The following DCLK1 variants were observed in gnomAD, a reference collection of about 807,000 sequenced individuals.
DCLK1 encodes serine/threonine-protein kinase DCLK1.
Under a neutral mutation model 86.2 loss-of-function variants are expected in DCLK1, and 16 were observed. That is an observed-to-expected ratio of 0.19 (90% CI 0.13 to 0.28). The LOEUF is 0.28. Among genes scored for constraint, DCLK1 ranks in the 10% least tolerant of loss-of-function variants. DCLK1 has a pLI of 1.00. For missense variants in DCLK1, 590 were observed against 940.2 expected, an observed-to-expected ratio of 0.63 and a Z score of 4.87; for synonymous variants, 369 against 370.5, an observed-to-expected ratio of 1.00 and a Z score of 0.05.
intron 6 of DCLK1, chr13:35,847,918 A>G (rs1870332455): frequency 2.0e-6 from 2 of 985,210 alleles, no homozygotes; most frequent in African/African-American, 3.5e-5. Context: ...AAACAAGACA[A>G]AAACACACCA....
chr13:35,808,514 G>A (rs1467023941), intron 13 of DCLK1, among the ~76,000 whole-genome samples, 194 bp from the exon 14 acceptor site: 3 of 152,180 alleles, frequency 2.0e-5, no homozygotes, highest in African/African-American at 7.2e-5. Flanking sequence ...CGGGTGCGGC[G>A]GCTCACACCT....
intron 3 of DCLK1, among the ~76,000 whole-genome samples, chr13:36,009,763 A>G (rs2153147744): frequency 8.3e-6 from 1 of 121,118 alleles, no homozygotes; most frequent in East Asian, 2.3e-4. Flanking sequence ...TCTGTGAGGA[A>G]AGTCATTGGT....
intron 5 of DCLK1, among the ~76,000 whole-genome samples, chr13:35,861,449 G>A (rs1374994844): frequency 6.6e-6 from 1 of 152,062 alleles, no homozygotes; most frequent in Admixed American, 6.5e-5. Context: ...GACAGCTCCC[G>A]CTAGAGTAAA....
rs77089902 is a variant in DCLK1 at position 35,849,502 on chromosome 13, G to A, written c.1035+4997C>T. On this transcript the variant is annotated intron_variant, in intron 6 of 16. Transcript: ENST00000360631. ...AGTGTTTGAACTAGTAAAAGTAAAT[G>A]ACCACTAGGATATGGCTTAAATACA... The A allele has an allele frequency of 7.0e-3, 6,893 of 983,180 alleles. 360 individuals are homozygous for A. The African/African-American group carries it at 0.11, about 15-fold the overall frequency. 60.9% of individuals were successfully genotyped at this position (983,180 alleles called of 1,614,324 possible).
At chr13:35,967,688 C>G (rs572026541) in intron 3 of DCLK1, among the ~76,000 whole-genome samples, 1 of 152,074 alleles carries the variant, frequency 6.6e-6, no homozygotes, top group Non-Finnish European at 1.5e-5. Context: ...ACAAACACTG[C>G]GGAAGGCGGC....
At chr13:35,775,558 A>G (rs1478118028) in intron 16 of DCLK1, among the ~76,000 whole-genome samples, 9 of 152,032 alleles carry the variant, frequency 5.9e-5, no homozygotes, top group Admixed American at 5.2e-4. Flanking sequence ...GGTGTGGGGG[A>G]AAAATGGGGT....
intron 3 of DCLK1, among the ~76,000 whole-genome samples, chr13:35,966,144 G>C (rs1330098395): frequency 1.3e-5 from 2 of 152,212 alleles, no homozygotes. Context: ...ACAAGCGTTG[G>C]CAAGGATGTG....
chr13:36,109,703 C>A (rs540543120), intron 3 of DCLK1, among the ~76,000 whole-genome samples: 1 of 152,192 alleles, frequency 6.6e-6, no homozygotes. Context: ...GATAATGAAG[C>A]TCAGTTAAGT....
chr13:35,818,538 G>T (rs1411066101), intron 11 of DCLK1, among the ~76,000 whole-genome samples: 1 of 152,090 alleles, frequency 6.6e-6, no homozygotes, highest in African/African-American at 2.4e-5. Context: ...CTTTGGGAGG[G>T]AAAAGATTTT....
intron 3 of DCLK1, among the ~76,000 whole-genome samples, chr13:36,097,851 A>G (rs1415577469): frequency 7.0e-6 from 1 of 143,642 alleles, no homozygotes; most frequent in African/African-American, 2.7e-5. Context: ...CATTCTTACC[A>G]AAAAAAAAAA....
chr13:35,848,534 T>C, intron 6 of DCLK1: 1 of 985,300 alleles, frequency 1.0e-6, no homozygotes, highest in Non-Finnish European at 1.2e-6. Context: ...GAATGGAAAG[T>C]TGGCCATGAT....
intron 15 of DCLK1, among the ~76,000 whole-genome samples, chr13:35,802,014 T>A (rs760300278): frequency 1.4e-4 from 21 of 152,152 alleles, no homozygotes; most frequent in Non-Finnish European, 2.4e-4. Flanking sequence ...GGCACCTCCT[T>A]CTCTGGGCTC....
intron 3 of DCLK1, among the ~76,000 whole-genome samples, chr13:36,060,352 T>C (rs750039574): frequency 6.6e-6 from 1 of 152,194 alleles, no homozygotes; most frequent in Non-Finnish European, 1.5e-5. Context: ...TGATTGTCTG[T>C]CTTTCAAATA....
intron 4 of DCLK1, among the ~76,000 whole-genome samples, chr13:35,882,302 G>T (rs975991842): frequency 6.6e-6 from 1 of 152,092 alleles, no homozygotes; most frequent in African/African-American, 2.4e-5. Flanking sequence ...ATAGGATTTT[G>T]GTTCCCACCA....
intron 4 of DCLK1, among the ~76,000 whole-genome samples, chr13:35,904,279 G>C (rs902620920): frequency 2.0e-5 from 3 of 152,094 alleles, no homozygotes; most frequent in African/African-American, 4.8e-5. Context: ...GCAGTGGCTC[G>C]ATCTTGGCCC....
chr13:35,896,429 T>C (rs536410656), intron 4 of DCLK1, among the ~76,000 whole-genome samples: 27 of 150,450 alleles, frequency 1.8e-4, no homozygotes, highest in Admixed American at 5.3e-4. Flanking sequence ...TCCCAGCTAC[T>C]TGGGAGGCTG....
chr13:35,967,952 C>T (rs1422151601), intron 3 of DCLK1, among the ~76,000 whole-genome samples: 5 of 151,840 alleles, frequency 3.3e-5, no homozygotes, highest in Non-Finnish European at 2.9e-5. Flanking sequence ...ATCTGGGAGA[C>T]GGAGGCTGCA....
rs1024483972 is a variant in DCLK1 at position 36,126,053 on chromosome 13, C to G, written c.85G>C (p.Gly29Arg). Residue 29 changes from glycine to arginine, a missense_variant, in exon 2 of 17, where the codon GGC (glycine) becomes CGC (arginine). Gly to Arg is a moderately radical substitution (Grantham distance 125, BLOSUM62 -2). Transcript: ENST00000360631. ...QRYSRGSRVN[G>R]LPSPTHSAHC... ...GCGCTGTGCGTCGGGCTCGGCAGGC[C>G]GTTCACCCGCGACCCTCGGCTGTAT... is the stretch of plus-strand genomic sequence containing the variant. 1.9e-6 allele frequency: 3 copies of G among 1,613,268 alleles called. No individual in the cohort carries two copies. The highest frequency in any genetic ancestry group is 2.5e-6 in the Non-Finnish European group (3 of 1,179,986).
chr13:35,917,823 G>C (rs768126397), intron 4 of DCLK1, among the ~76,000 whole-genome samples: 2 of 151,740 alleles, frequency 1.3e-5, no homozygotes, highest in Non-Finnish European at 2.9e-5. Context: ...GGGGCAGGGC[G>C]GGGAGGCCTC....
Sources: allele counts gnomAD v4.1 joint callset (sites outside exome capture counted in the v4.1 genomes callset), GRCh38; gene constraint gnomAD v4.1.1; transcripts MANE v1.5; gene names NCBI Gene and HGNC (gene_info 2026-07-23, HGNC 2026-07-21).